FZD3: variants seen among roughly 807,000 people sequenced by gnomAD.
The protein encoded by FZD3 is frizzled class receptor 3, also known as frizzled-3.
Under a neutral mutation model 60.7 loss-of-function variants are expected in FZD3, and 30 were observed. The observed-to-expected ratio is 0.49, with a 90% CI of 0.37 to 0.67. FZD3 has a LOEUF of 0.67. FZD3 is among the 30% of genes least tolerant of loss of function. FZD3 has a pLI of 0.00. For synonymous variants in FZD3, 246 were observed against 275.2 expected, an observed-to-expected ratio of 0.89 and a Z score of 1.05; for missense variants, 605 against 838.7, an observed-to-expected ratio of 0.72 and a Z score of 3.44.
Position 28,569,118 on chromosome 8 carries a change from G to A in FZD3, c.*6107G>A, listed in dbSNP as rs554741849. On this transcript the variant is annotated 3_prime_UTR_variant, in exon 8 of 8. Coordinates refer to ENST00000240093, the MANE Select transcript of FZD3 (RefSeq NM_017412.4). ...TATTATTGTAGCTTTAAGGTTTTTT[G>A]TTGTATAAGTCAGCTTGTTTGTATA... 15 of 148,226 alleles carry A rather than the reference G, an allele frequency of 1.0e-4. No homozygotes were observed. Among genetic ancestry groups the A allele is most frequent in the African/African-American group, 3.7e-4 (15 of 40,426 alleles). The allele number at this position is 148,226 out of a possible 1,614,324, so 9.2% of individuals were successfully genotyped here.
chr8:28,563,077 A>G lies in FZD3; in HGVS notation c.*66A>G, dbSNP rs1462146828. On this transcript the variant is annotated 3_prime_UTR_variant, in exon 8 of 8. Coordinates refer to ENST00000240093, the MANE Select transcript of FZD3 (RefSeq NM_017412.4). ...GCAGATTTTATTCTTTGCCTTTTGC[A>G]TGACTGATAGCTGTAACTCACAGTT... The G allele has an allele frequency of 1.9e-6, 2 of 1,026,568 alleles. No individual in the cohort carries two copies. The highest frequency in any genetic ancestry group is 4.7e-5 in the East Asian group (2 of 42,134). The allele number at this position is 1,026,568 out of a possible 1,614,324, so 63.6% of individuals were successfully genotyped here. A position where few individuals can be genotyped will look rare whatever the true frequency, so the allele number is the denominator to read the frequency against.
intron 7 of FZD3, among the ~76,000 whole-genome samples, chr8:28,562,442 T>C (rs1301626662): frequency 6.6e-6 from 1 of 152,174 alleles, no homozygotes; most frequent in East Asian, 1.9e-4. Context: ...CAATGCCACA[T>C]TTCTTCTATT....
At chr8:28,520,472 G>A (rs902636435) in intron 3 of FZD3, among the ~76,000 whole-genome samples, 166 bp from the exon 4 acceptor site, 1 of 152,018 alleles carries the variant, frequency 6.6e-6, no homozygotes, top group Non-Finnish European at 1.5e-5. Flanking sequence ...ATCTTCAAGG[G>A]TAGGGCTAGG....
intron 1 of FZD3, among the ~76,000 whole-genome samples, chr8:28,497,898 C>A (rs1209384159): frequency 6.6e-6 from 1 of 152,154 alleles, no homozygotes. Context: ...AGACAGTCTT[C>A]CAAGATTGGA....
chr8:28,536,344 T>G (rs1459876644), intron 5 of FZD3, among the ~76,000 whole-genome samples: 1 of 152,240 alleles, frequency 6.6e-6, no homozygotes, highest in Non-Finnish European at 1.5e-5. Flanking sequence ...AGAAATGTGT[T>G]ACCATAGTAC....
rs1254872600 is a variant in FZD3 at position 28,568,578 on chromosome 8, C to T, written c.*5567C>T. On this transcript the variant is annotated 3_prime_UTR_variant, in exon 8 of 8. Transcript: ENST00000240093. ...TTGAAGTCTACCCAGAACCAGCCAT[C>T]CTTGTAGACATTTCTATTTGGTTGA... The T allele has an allele frequency of 1.3e-5, 2 of 151,960 alleles. No homozygotes were observed. Among genetic ancestry groups the T allele is most frequent in the African/African-American group, 4.8e-5 (2 of 41,380 alleles). 9.4% of individuals were successfully genotyped at this position (151,960 alleles called of 1,614,324 possible).
Position 28,527,377 on chromosome 8 carries a change from T to C in FZD3, c.617T>C (p.Ile206Thr). The C allele has an allele frequency of 6.2e-7, 1 of 1,613,906 alleles. No individual in the cohort carries two copies. Among genetic ancestry groups the C allele is most frequent in the Non-Finnish European group, 8.5e-7 (1 of 1,179,774 alleles). The change falls in exon 5 of 8, where the codon ATA (isoleucine) becomes ACA (threonine). Residue 206 changes from isoleucine (I) to threonine (T), a missense_variant. Physicochemically the swap from Ile to Thr is moderately conservative, Grantham distance 89. Coordinates refer to ENST00000240093, the MANE Select transcript of FZD3 (RefSeq NM_017412.4). This position sits in a 1 kb window ranked among gnomAD's most constrained non-coding sequence, Gnocchi z 5.0. ...GAACTGTCATTTGCTCGCTATTTCA[T>C]AGGATTGATTTCAATCATTTGCCTC... Reference protein sequence around the residue: ...REELSFARYFIGLISIICLSA... With the variant: ...REELSFARYFTGLISIICLSA...
intron 5 of FZD3, among the ~76,000 whole-genome samples, chr8:28,542,330 G>A (rs917032719): frequency 2.6e-5 from 4 of 151,976 alleles, no homozygotes; most frequent in Non-Finnish European, 5.9e-5. Flanking sequence ...AGCCTTTACT[G>A]ACCACTTTGA....
At chr8:28,525,908 TTCATA>T (rs1804702889) in intron 4 of FZD3, among the ~76,000 whole-genome samples, 1 of 151,678 alleles carries the variant, frequency 6.6e-6, no homozygotes, top group Non-Finnish European at 1.5e-5. Context: ...GCTGGTAGAT[TTCATA>T]GGTATATGAA....
chr8:28,525,170 C>T (rs1194279522), intron 4 of FZD3, among the ~76,000 whole-genome samples: 2 of 152,166 alleles, frequency 1.3e-5, no homozygotes, highest in Non-Finnish European at 2.9e-5. Context: ...TAGTTCAACA[C>T]ATGTCAATTG....
intron 7 of FZD3, among the ~76,000 whole-genome samples, chr8:28,558,918 G>C (rs1318916130): frequency 1.3e-5 from 2 of 152,104 alleles, no homozygotes; most frequent in Non-Finnish European, 2.9e-5. Flanking sequence ...CATTCTAGGA[G>C]CATATAACCT....
chr8:28,548,159 T>C lies in FZD3; in HGVS notation c.1405-3444T>C, dbSNP rs1390198050. 5.3e-5 allele frequency among the ~76,000 whole-genome samples: 8 copies of C among 152,068 alleles called. 1 individual carries two copies. The highest frequency in any genetic ancestry group is 4.1e-4 in the South Asian group (2 of 4,822). ...TGAGCCACCGTGCCCAGCTCACTTG[T>C]CTCTTTTTGATGGCTTCTAAGTTTT... On this transcript the variant is annotated intron_variant, in intron 5 of 7. Coordinates refer to ENST00000240093, the MANE Select transcript of FZD3 (RefSeq NM_017412.4).
intron 6 of FZD3, among the ~76,000 whole-genome samples, chr8:28,554,057 A>G (rs1585191933): frequency 6.6e-6 from 1 of 152,266 alleles, no homozygotes; most frequent in Admixed American, 6.5e-5. Context: ...ACTGTGCTGT[A>G]GACTGGTTTC....
chr8:28,554,359 A>G (rs988695776), intron 6 of FZD3, among the ~76,000 whole-genome samples: 6 of 152,182 alleles, frequency 3.9e-5, no homozygotes, highest in Non-Finnish European at 5.9e-5. Context: ...ATATATGAAT[A>G]AGGCCGTTGA....
At chr8:28,543,578 G>C (rs1247374915) in intron 5 of FZD3, among the ~76,000 whole-genome samples, 1 of 151,924 alleles carries the variant, frequency 6.6e-6, no homozygotes, top group Non-Finnish European at 1.5e-5. Flanking sequence ...ACGGTGTTTC[G>C]CCATGTTGGC....
chr8:28,506,044 A>C (rs1351366280), intron 3 of FZD3, among the ~76,000 whole-genome samples: 1 of 152,166 alleles, frequency 6.6e-6, no homozygotes, highest in African/African-American at 2.4e-5. Flanking sequence ...AAAAATGCTC[A>C]CTTCTGAGCC....
Position 28,527,292 on chromosome 8 carries a change from T to C in FZD3, c.532T>C (p.Ser178Pro). The change falls in exon 5 of 8, where the codon TCT becomes CCT. Residue 178 changes from serine (S) to proline (P), a missense_variant. Ser to Pro is a moderately conservative substitution (Grantham distance 74). Transcript: ENST00000240093. This position sits in a 1 kb window ranked among gnomAD's most constrained non-coding sequence, Gnocchi z 5.0. Reference sequence around the variant, plus strand: ...AAAAATTGATCCTGATCTGGGTTATTCTTTTCTGCATGTGCGTGATTGTTC... The same window carrying C: ...AAAAATTGATCCTGATCTGGGTTATCCTTTTCTGCATGTGCGTGATTGTTC... ...ELKIDPDLGY[S>P]FLHVRDCSPP... is the part of the protein sequence containing the mutation. 1 of 1,614,098 alleles carries C rather than the reference T, an allele frequency of 6.2e-7. No homozygotes were observed. The highest frequency in any genetic ancestry group is 8.5e-7 in the Non-Finnish European group (1 of 1,179,966).
At chr8:28,514,432 GCATT>G (rs1361484806) in intron 3 of FZD3, among the ~76,000 whole-genome samples, 141 of 152,232 alleles carry the variant, frequency 9.3e-4, no homozygotes, top group African/African-American at 3.2e-3. Context: ...CTCATATAAA[GCATT>G]CAGTTTGATG....
chr8:28,573,567 T>C lies in FZD3; in HGVS notation c.*10556T>C, dbSNP rs1805842909. ...ATGAAGTCAGGGCCTGCTGATCCTGTTTTTTAAGTTCAAGCGCAATGCCTG... is the reference window on the plus strand; with the variant it reads ...ATGAAGTCAGGGCCTGCTGATCCTGCTTTTTAAGTTCAAGCGCAATGCCTG... On this transcript the variant is annotated 3_prime_UTR_variant, in exon 8 of 8. Coordinates refer to ENST00000240093, the MANE Select transcript of FZD3 (RefSeq NM_017412.4). The C allele has an allele frequency of 6.6e-6, 1 of 151,082 alleles. No homozygotes were observed. Among genetic ancestry groups the C allele is most frequent in the Non-Finnish European group, 1.5e-5 (1 of 67,804 alleles). 9.4% of individuals were successfully genotyped at this position (151,082 alleles called of 1,614,324 possible).
Sources: allele counts gnomAD v4.1 joint callset (sites outside exome capture counted in the v4.1 genomes callset), GRCh38; gene constraint gnomAD v4.1.1; non-coding constraint Gnocchi (gnomAD v3.1); transcripts MANE v1.5; gene names NCBI Gene and HGNC (gene_info 2026-07-23, HGNC 2026-07-21).